MAPK8: variants seen among roughly 807,000 people sequenced by gnomAD.
The protein encoded by MAPK8 is JUN N-terminal kinase.
In MAPK8, 13 loss-of-function variants were observed where a neutral mutation model predicts 52.9. The observed-to-expected ratio is 0.25, with a 90% CI of 0.16 to 0.39. The LOEUF (loss-of-function observed/expected upper bound fraction) is 0.39, where lower values mean the gene tolerates loss of function less well. Among genes scored for constraint, MAPK8 ranks in the 10% least tolerant of loss-of-function variants. The pLI is 1.00. For missense variants in MAPK8, 300 were observed against 519.2 expected (o/e 0.58, Z 4.10); for synonymous variants, 191 against 169.8 (o/e 1.12, Z -0.97).
intron 1 of MAPK8, among the ~76,000 whole-genome samples, chr10:48,318,903 G>A (rs1041018801): frequency 2.0e-5 from 3 of 152,226 alleles, no homozygotes; most frequent in African/African-American, 7.2e-5. Flanking sequence ...AAAGGAATTA[G>A]GAGGATGAAG....
chr10:48,366,651 G>A (rs1452256065), intron 1 of MAPK8, among the ~76,000 whole-genome samples: 1 of 152,038 alleles, frequency 6.6e-6, no homozygotes, highest in Non-Finnish European at 1.5e-5. Flanking sequence ...CTTACCACAT[G>A]AGTTACATCC....
chr10:48,366,417 A>G (rs555312780), intron 1 of MAPK8, among the ~76,000 whole-genome samples: 1 of 152,306 alleles, frequency 6.6e-6, no homozygotes, highest in South Asian at 2.1e-4. Flanking sequence ...TCATACAGAA[A>G]TTACCTGATT....
At chr10:48,407,233 A>G (rs905562265) in intron 3 of MAPK8, among the ~76,000 whole-genome samples, 8 of 152,352 alleles carry the variant, frequency 5.3e-5, no homozygotes, top group African/African-American at 1.9e-4. Flanking sequence ...ACTTTTGAGC[A>G]TATTGCAGAA....
chr10:48,318,394 C>G (rs989660633), intron 1 of MAPK8, among the ~76,000 whole-genome samples: 1 of 152,166 alleles, frequency 6.6e-6, no homozygotes, highest in Non-Finnish European at 1.5e-5. Context: ...ACACTTAAAA[C>G]TAACCATCAC....
At chr10:48,353,241 A>G (rs1239625694) in intron 1 of MAPK8, among the ~76,000 whole-genome samples, 3 of 152,214 alleles carry the variant, frequency 2.0e-5, no homozygotes, top group African/African-American at 7.2e-5. Flanking sequence ...AAATTTTTCT[A>G]CGATTTATAT....
At chr10:48,382,003 T>C (rs1279475475) in intron 1 of MAPK8, among the ~76,000 whole-genome samples, 3 of 152,098 alleles carry the variant, frequency 2.0e-5, no homozygotes, top group Non-Finnish European at 4.4e-5. Flanking sequence ...AGGACAGAAC[T>C]GTGAAGATAA....
intron 1 of MAPK8, among the ~76,000 whole-genome samples, chr10:48,344,702 A>T (rs1454717367): frequency 6.6e-6 from 1 of 152,200 alleles, no homozygotes; most frequent in East Asian, 1.9e-4. Context: ...TTAGAAATTT[A>T]AAAAAATTAA....
At chr10:48,308,366 C>A (rs1422152185) in intron 1 of MAPK8, 1 of 152,128 alleles carries the variant, frequency 6.6e-6, no homozygotes, top group Non-Finnish European at 1.5e-5. Context: ...TTAAAAAAAA[C>A]CGTAATGTTC....
chr10:48,319,364 C>T (rs939548482), intron 1 of MAPK8, among the ~76,000 whole-genome samples: 5 of 152,084 alleles, frequency 3.3e-5, no homozygotes, highest in African/African-American at 1.2e-4. Context: ...ATGTTTGTCA[C>T]CCCAGAAAGT....
At chr10:48,430,398 GTTC>G (rs1564626102) in intron 10 of MAPK8, 3 of 152,286 alleles carry the variant, frequency 2.0e-5, no homozygotes, top group Admixed American at 6.5e-5. Flanking sequence ...ATGGCCGAAG[GTTC>G]TTCTTAAGTA....
At chr10:48,434,847 C>G (rs1290182165) in intron 11 of MAPK8, 37 bp from the exon 12 acceptor site, 1 of 1,574,584 alleles carries the variant, frequency 6.4e-7, no homozygotes, top group African/African-American at 1.4e-5. Flanking sequence ...CTGCAGCTGT[C>G]TGCAACTGAT....
chr10:48,409,919 TAGA>T lies in MAPK8; in HGVS notation c.298_300del (p.Glu100del), dbSNP rs774324400. The T allele has an allele frequency of 1.1e-5, 17 of 1,611,962 alleles. No individual in the cohort carries two copies. The highest frequency in any genetic ancestry group is 1.4e-5 in the Non-Finnish European group (17 of 1,178,522). Reference sequence around the variant, plus strand: ...AATGTTTTCACACCACAGAAATCCCTAGAAGAATTTCAAGATGTGTAAGTGTAA... The same window carrying T: ...AATGTTTTCACACCACAGAAATCCCTAGAATTTCAAGATGTGTAAGTGTAA... On this transcript the variant is annotated inframe_deletion, in exon 4 of 12. Coordinates refer to ENST00000374189, the MANE Select transcript of MAPK8 (RefSeq NM_001323329.2).
At chr10:48,307,478 C>G (rs951851379) in intron 1 of MAPK8, among the ~76,000 whole-genome samples, 5 of 152,044 alleles carry the variant, frequency 3.3e-5, no homozygotes, top group African/African-American at 9.7e-5. Flanking sequence ...GCGCATTTCT[C>G]TTGAGGGTCA....
chr10:48,344,447 A>G (rs1845580768), intron 1 of MAPK8, among the ~76,000 whole-genome samples: 1 of 152,166 alleles, frequency 6.6e-6, no homozygotes. Context: ...TAACCAAAGC[A>G]TTTCTTCTTT....
intron 2 of MAPK8, among the ~76,000 whole-genome samples, chr10:48,403,077 A>C (rs1392450673): frequency 6.6e-6 from 1 of 152,252 alleles, no homozygotes; most frequent in Admixed American, 6.5e-5. Flanking sequence ...TAAAACATGC[A>C]TAAATACCAA....
rs373101432 is a variant in MAPK8 at position 48,314,040 on chromosome 10, CT to C, written c.-50+7222del. Among the ~76,000 whole-genome samples, 599 of 152,218 alleles carry C rather than the reference CT, an allele frequency of 3.9e-3. 2 individuals are homozygous for C. The highest frequency in any genetic ancestry group is 0.013 in the African/African-American group (558 of 41,542). ...TGTAAATGGCATGCTTTTTTAACAT[CT>C]TTGTGGTATTCCATTTGTCTTACTC... On this transcript the variant is annotated intron_variant, in intron 1 of 11. Coordinates refer to ENST00000374189, the MANE Select transcript of MAPK8 (RefSeq NM_001323329.2).
intron 1 of MAPK8, among the ~76,000 whole-genome samples, chr10:48,367,719 CTT>C (rs912645705): frequency 6.6e-6 from 1 of 152,060 alleles, no homozygotes; most frequent in African/African-American, 2.4e-5. Context: ...ATATAGGTAA[CTT>C]TTAGTTCAAT....
intron 1 of MAPK8, among the ~76,000 whole-genome samples, chr10:48,324,715 G>A (rs1291868820): frequency 6.6e-6 from 1 of 151,834 alleles, no homozygotes; most frequent in Non-Finnish European, 1.5e-5. Flanking sequence ...TCCTGTGTAC[G>A]TTATATTGAC....
chr10:48,427,771 C>A (rs556247947), intron 10 of MAPK8, among the ~76,000 whole-genome samples: 2 of 152,160 alleles, frequency 1.3e-5, no homozygotes, highest in African/African-American at 4.8e-5. Flanking sequence ...GGATTATAGG[C>A]GTGAGTGCTT....
Sources: gnomAD v4.1 joint callset for allele counts (sites outside exome capture counted in the v4.1 genomes callset) on GRCh38, gnomAD v4.1.1 for gene constraint, MANE v1.5 for transcripts, NCBI Gene and HGNC (gene_info 2026-07-23, HGNC 2026-07-21) for gene names.